DIS3L: variants seen among roughly 807,000 people sequenced by gnomAD.
DIS3L encodes the protein DIS3-like exonuclease 1.
In DIS3L, 100 loss-of-function variants were observed where a neutral mutation model predicts 120.3. The observed-to-expected ratio is 0.83, with a 90% CI of 0.71 to 0.98. The LOEUF (loss-of-function observed/expected upper bound fraction) is 0.98, where lower values mean the gene tolerates loss of function less well. DIS3L is among the 50% of genes least tolerant of loss of function. The pLI is 0.00. For synonymous variants in DIS3L, 426 were observed against 470.6 expected, an observed-to-expected ratio of 0.91 and a Z score of 1.23; for missense variants, 1,196 against 1,314.2, an observed-to-expected ratio of 0.91 and a Z score of 1.39.
intron 5 of DIS3L, among the ~76,000 whole-genome samples, chr15:66,313,799 A>ATGTG (rs1010520418): frequency 7.0e-6 from 1 of 143,160 alleles, no homozygotes; most frequent in Non-Finnish European, 1.6e-5. Context: ...GTATATATAT[A>ATGTG]TGTGTGTGTG....
chr15:66,309,694 C>G (rs530645747), intron 4 of DIS3L, among the ~76,000 whole-genome samples: 1 of 152,156 alleles, frequency 6.6e-6, no homozygotes, highest in African/African-American at 2.4e-5. Context: ...TCCAGGCAAT[C>G]GGACCCCAAA....
intron 14 of DIS3L, chr15:66,330,606 T>C (rs1452366059): frequency 1.0e-6 from 1 of 957,822 alleles, no homozygotes; most frequent in Non-Finnish European, 1.2e-6. Context: ...TTTGTCTCAG[T>C]AGAAATTTGG....
At chr15:66,312,402 C>T (rs2092771787) in intron 5 of DIS3L, among the ~76,000 whole-genome samples, 1 of 152,112 alleles carries the variant, frequency 6.6e-6, no homozygotes, top group African/African-American at 2.4e-5. Flanking sequence ...TGAAGCTACT[C>T]TGCGATGATG....
chr15:66,326,913 G>A (rs903391747), intron 12 of DIS3L, among the ~76,000 whole-genome samples: 5 of 150,984 alleles, frequency 3.3e-5, no homozygotes, highest in African/African-American at 1.2e-4. Context: ...CTACAATTTG[G>A]GTTTTTTTGT....
Position 66,333,252 on chromosome 15 carries a change from A to C in DIS3L, c.3105A>C (p.Thr1035=), listed in dbSNP as rs1401828084. Residue 1035 remains threonine (T), a synonymous_variant, in exon 17 of 17, where the codon ACA becomes ACC. Coordinates refer to ENST00000319212, the MANE Select transcript of DIS3L (RefSeq NM_001143688.3). ...AAACAAAGGGAAGGAGCCTATACAC[A>C]CTTCTAGAGGAGATACGGGACCTAG... ...YRQTKGRSLY[T]LLEEIRDLAL... is the part of the protein sequence containing the mutation. The C allele has an allele frequency of 8.1e-6, 13 of 1,614,052 alleles. No individual in the cohort carries two copies. The highest frequency in any genetic ancestry group is 8.5e-6 in the Non-Finnish European group (10 of 1,180,030).
intron 2 of DIS3L, 21 bp from the exon 3 acceptor site, chr15:66,306,803 T>A (rs2140341667): frequency 6.2e-7 from 1 of 1,613,114 alleles, no homozygotes; most frequent in East Asian, 2.2e-5. Flanking sequence ...GTTAGAGTTA[T>A]TTTTCTCCTC....
In DIS3L at chr15:66,323,579, T is replaced by C; in HGVS notation, c.1661T>C (p.Val554Ala). The C allele has an allele frequency of 6.2e-7, 1 of 1,614,236 alleles. No homozygotes were observed. The highest frequency in any genetic ancestry group is 1.1e-5 in the South Asian group (1 of 91,090). ...GATTTGTGTTCCCTTCTGGGAGGCG[T>C]TGATAGGTGAGTTTATGGCTTTTGT... ...SADLCSLLGG[V>A]DRYAVSIMWE... The change falls in exon 11 of 17, where the codon GTT becomes GCT. Residue 554 changes from valine to alanine, a missense_variant. Val to Ala is a moderately conservative substitution (Grantham distance 64). Transcript: ENST00000319212.
At chr15:66,322,955 C>T (rs748527622) in intron 10 of DIS3L, 21 bp downstream of exon 10, 1 of 1,612,926 alleles carries the variant, frequency 6.2e-7, no homozygotes, top group African/African-American at 1.3e-5. Context: ...TTGAAATCAG[C>T]TCTATGGTTG....
At chr15:66,294,499 G>A (rs771111787) in intron 1 of DIS3L, 4 of 986,926 alleles carry the variant, frequency 4.1e-6, no homozygotes, top group Non-Finnish European at 4.8e-6. Flanking sequence ...TGCAGGTCTG[G>A]TGGGAAACCT....
rs146984678 is a variant in DIS3L at position 66,332,774 on chromosome 15, A to G, written c.2720A>G (p.Asp907Gly). 1.6e-5 allele frequency: 26 copies of G among 1,613,188 alleles called. No individual in the cohort carries two copies. The highest frequency in any genetic ancestry group is 4.0e-5 in the African/African-American group (3 of 74,804). ...IKGAAYLKNK[D>G]GLVISCGPDS... ...GGTGCTGCTTATCTAAAAAATAAAG[A>G]TGGTTTAGTCATCTCATGTGGCCCA... is the stretch of plus-strand genomic sequence containing the variant. Residue 907 changes from aspartate (D) to glycine (G), a missense_variant, in exon 16 of 17, where the codon GAT becomes GGT. Coordinates refer to ENST00000319212, the MANE Select transcript of DIS3L (RefSeq NM_001143688.3).
At chr15:66,293,851 C>G in intron 1 of DIS3L, 116 bp downstream of exon 1, 3 of 998,748 alleles carry the variant, frequency 3.0e-6, no homozygotes, top group South Asian at 9.5e-5. Context: ...GCGTAGGCCC[C>G]GCGGCCTGCG....
At chr15:66,332,665 C>A in intron 15 of DIS3L, 71 bp from the exon 16 acceptor site, 1 of 1,387,004 alleles carries the variant, frequency 7.2e-7, no homozygotes, top group South Asian at 1.5e-5. Context: ...AACTAGTATT[C>A]TAGATAAGCA....
At chr15:66,293,780 C>A (rs1349713483) in intron 1 of DIS3L, 45 bp downstream of exon 1, 2 of 1,144,258 alleles carry the variant, frequency 1.7e-6, no homozygotes, top group Non-Finnish European at 1.1e-6. Context: ...CGGGAGCGGG[C>A]GGCCGCAGTG....
chr15:66,315,706 A>G (rs960191977), intron 7 of DIS3L, among the ~76,000 whole-genome samples: 1 of 152,152 alleles, frequency 6.6e-6, no homozygotes, highest in Admixed American at 6.5e-5. Context: ...TGTCCCTTTC[A>G]GCTGCTGCCC....
At chr15:66,297,398 CTG>C (rs1212693005) in intron 2 of DIS3L, among the ~76,000 whole-genome samples, 2 of 152,016 alleles carry the variant, frequency 1.3e-5, no homozygotes, top group Non-Finnish European at 2.9e-5. Flanking sequence ...CAAGACCAAT[CTG>C]TGCAACATAG....
chr15:66,326,404 G>A (rs1456756971), intron 12 of DIS3L, 40 bp downstream of exon 12: 1 of 1,584,350 alleles, frequency 6.3e-7, no homozygotes, highest in Non-Finnish European at 8.6e-7. Context: ...GGAGTGGCAT[G>A]CTGTATATTT....
chr15:66,310,490 A>G (rs1234642628), intron 4 of DIS3L, among the ~76,000 whole-genome samples: 3 of 152,196 alleles, frequency 2.0e-5, no homozygotes, highest in Non-Finnish European at 4.4e-5. Context: ...GAAAAAAGAG[A>G]TATTGTGAAG....
At chr15:66,300,412 C>G (rs1319784769) in intron 2 of DIS3L, among the ~76,000 whole-genome samples, 1 of 152,164 alleles carries the variant, frequency 6.6e-6, no homozygotes, top group Non-Finnish European at 1.5e-5. Flanking sequence ...CAGGCAATGA[C>G]TGCTTAATGG....
chr15:66,294,178 T>C (rs1427211012), intron 1 of DIS3L: 1 of 985,528 alleles, frequency 1.0e-6, no homozygotes, highest in Non-Finnish European at 1.2e-6. Context: ...GCCACAGGTT[T>C]CCTGACCTGC....
Sources: allele counts gnomAD v4.1 joint callset (sites outside exome capture counted in the v4.1 genomes callset), GRCh38; gene constraint gnomAD v4.1.1; transcripts MANE v1.5; gene names NCBI Gene and HGNC (gene_info 2026-07-23, HGNC 2026-07-21).